Variants in ADAM2 observed in about 807,000 individuals in gnomAD.
ADAM2 encodes disintegrin and metalloproteinase domain-containing protein 2.
In ADAM2, 101 loss-of-function variants were observed where a neutral mutation model predicts 99.3. The ratio of observed to expected loss-of-function variants is 1.02; its 90% CI spans 0.87 to 1.20. ADAM2 has a LOEUF of 1.20. Among genes scored for constraint, ADAM2 ranks in the 50% most tolerant of loss-of-function variants. The pLI is 0.00. For missense variants in ADAM2, 948 were observed against 878.7 expected (o/e 1.08, Z -1.00); for synonymous variants, 323 against 287.6 (o/e 1.12, Z -1.25).
chr8:39,827,452 T>C (rs747506313), intron 3 of ADAM2, among the ~76,000 whole-genome samples: 1 of 152,200 alleles, frequency 6.6e-6, no homozygotes, highest in South Asian at 2.1e-4. Flanking sequence ...CCAGGTTTAT[T>C]GCAGTAGTCA....
chr8:39,801,872 AG>A (rs961771923), intron 7 of ADAM2, among the ~76,000 whole-genome samples: 38 of 152,142 alleles, frequency 2.5e-4, no homozygotes, highest in African/African-American at 8.7e-4. Flanking sequence ...TGGTTCCAGC[AG>A]GGGAAAAGAG....
At chr8:39,817,342 G>C (rs1210046207) in intron 6 of ADAM2, among the ~76,000 whole-genome samples, 2 of 152,088 alleles carry the variant, frequency 1.3e-5, no homozygotes, top group Non-Finnish European at 2.9e-5. Context: ...AAGGGTCAGG[G>C]GAGGAACGGA....
chr8:39,765,534 T>C (rs1420932548), intron 14 of ADAM2, among the ~76,000 whole-genome samples: 3 of 152,172 alleles, frequency 2.0e-5, no homozygotes, highest in African/African-American at 7.2e-5. Flanking sequence ...TATTAAATTA[T>C]GAAAAAAGTA....
At chr8:39,818,468 A>T (rs1330891421) in intron 6 of ADAM2, among the ~76,000 whole-genome samples, 1 of 152,032 alleles carries the variant, frequency 6.6e-6, no homozygotes, top group Non-Finnish European at 1.5e-5. Flanking sequence ...ATTACAAATA[A>T]CATGCTTAAG....
intron 3 of ADAM2, among the ~76,000 whole-genome samples, chr8:39,829,443 ATTAC>A (rs1330786168): frequency 6.6e-6 from 1 of 152,026 alleles, no homozygotes; most frequent in Non-Finnish European, 1.5e-5. Flanking sequence ...TACATATTAA[ATTAC>A]TTACAGTTAG....
intron 7 of ADAM2, among the ~76,000 whole-genome samples, chr8:39,797,705 G>A (rs1804029408): frequency 6.6e-6 from 1 of 152,098 alleles, no homozygotes; most frequent in African/African-American, 2.4e-5. Flanking sequence ...CCATTTGTTT[G>A]TGTCCTCTTT....
intron 11 of ADAM2, among the ~76,000 whole-genome samples, chr8:39,769,808 G>A (rs1802708424): frequency 6.6e-6 from 1 of 152,132 alleles, no homozygotes; most frequent in Non-Finnish European, 1.5e-5. Context: ...ACTTATTCAT[G>A]ACACTGCTCT....
intron 16 of ADAM2, among the ~76,000 whole-genome samples, chr8:39,753,871 T>C (rs1802052768): frequency 6.6e-6 from 1 of 151,702 alleles, no homozygotes. Context: ...AGGCAAGAAA[T>C]AGCATGAAAA....
intron 15 of ADAM2, among the ~76,000 whole-genome samples, chr8:39,760,882 C>CAAAAAAAAAAAAAAAAAAAAAAA (rs58386097): frequency 5.0e-5 from 3 of 60,184 alleles, no homozygotes; most frequent in Admixed American, 2.6e-4. Flanking sequence ...GACTCCATCT[C>CAAAAAAAAAAAAAAAAAAAAAAA]AAAAAAAAAA....
intron 7 of ADAM2, among the ~76,000 whole-genome samples, chr8:39,798,353 G>A (rs1804058437): frequency 2.0e-5 from 3 of 152,084 alleles, no homozygotes; most frequent in East Asian, 1.9e-4. Context: ...ATTGATTTAG[G>A]TATGTTGAAC....
chr8:39,749,228 T>G, intron 18 of ADAM2, 84 bp downstream of exon 18: 1 of 1,257,738 alleles, frequency 8.0e-7, no homozygotes, highest in Non-Finnish European at 1.1e-6. Context: ...AGATATAAAT[T>G]GGTAGACAAA....
chr8:39,757,209 TA>T (rs1213285142), intron 15 of ADAM2, among the ~76,000 whole-genome samples: 2 of 151,728 alleles, frequency 1.3e-5, no homozygotes, highest in African/African-American at 4.8e-5. Flanking sequence ...ACTCAACATG[TA>T]AAAAAACCCA....
At chr8:39,788,838 A>G (rs1286517595) in intron 7 of ADAM2, 98 bp from the exon 8 acceptor site, 1 of 582,108 alleles carries the variant, frequency 1.7e-6, no homozygotes, top group Non-Finnish European at 2.7e-6. Flanking sequence ...GAAGTAATAA[A>G]TTATTTAAAT....
chr8:39,781,914 C>G (rs991458896), intron 10 of ADAM2, among the ~76,000 whole-genome samples: 2 of 152,086 alleles, frequency 1.3e-5, no homozygotes, highest in African/African-American at 4.8e-5. Context: ...AAGAGGCCAG[C>G]GATATGGCGA....
intron 14 of ADAM2, among the ~76,000 whole-genome samples, chr8:39,765,541 A>G (rs531168184): frequency 4.6e-5 from 7 of 152,324 alleles, no homozygotes; most frequent in South Asian, 4.1e-4. Flanking sequence ...TTATGAAAAA[A>G]GTAGAAAATC....
chr8:39,754,214 T>C (rs1347355622), intron 16 of ADAM2, among the ~76,000 whole-genome samples: 1 of 152,210 alleles, frequency 6.6e-6, no homozygotes, highest in Admixed American at 6.5e-5. Context: ...CTTCATCCCA[T>C]TCACTAACTG....
rs1298323762 is a variant in ADAM2, at chr8:39,769,254, TATA to T, written c.1212+135_1212+137del. The T allele has an allele frequency of 4.8e-6, 3 of 630,342 alleles. No homozygotes were observed. The African/African-American group carries it at 5.5e-5, about 12-fold the overall frequency. The allele number at this position is 630,342 out of a possible 1,614,324, so 39.0% of individuals were successfully genotyped here. On this transcript the variant is annotated intron_variant, in intron 12 of 20. Transcript: ENST00000265708. ...ATATATAAGTGCACTCATTAGTTGT[TATA>T]ATACCTACATGCCCTCCTGAATCAT...
intron 7 of ADAM2, among the ~76,000 whole-genome samples, chr8:39,808,894 G>C (rs994253604): frequency 2.6e-5 from 4 of 151,792 alleles, no homozygotes; most frequent in African/African-American, 7.3e-5. Context: ...CCAGCCTGTG[G>C]GACAGAGTGA....
At chr8:39,780,170 A>C (rs1348897666) in intron 10 of ADAM2, among the ~76,000 whole-genome samples, 1 of 152,020 alleles carries the variant, frequency 6.6e-6, no homozygotes, top group Non-Finnish European at 1.5e-5. Context: ...CGTGCAGGGG[A>C]TCTCCCCTTT....
Sources: gnomAD v4.1 joint callset for allele counts (sites outside exome capture counted in the v4.1 genomes callset) on GRCh38, gnomAD v4.1.1 for gene constraint, MANE v1.5 for transcripts, NCBI Gene and HGNC (gene_info 2026-07-23, HGNC 2026-07-21) for gene names.